The following ECPAS variants were observed in gnomAD, a reference collection of about 807,000 sequenced individuals.
ECPAS encodes Ecm29 proteasome adaptor and scaffold.
ECPAS carries 70 observed loss-of-function variants against 255.1 expected under a neutral mutation model. That is an observed-to-expected ratio of 0.27 (90% CI 0.23 to 0.33). The LOEUF (loss-of-function observed/expected upper bound fraction) is 0.33, where lower values mean the gene tolerates loss of function less well. ECPAS is among the 10% of genes least tolerant of loss of function. ECPAS has a pLI of 1.00. For missense variants in ECPAS, 1,817 were observed against 2,206.4 expected (o/e 0.82, Z 3.54); for synonymous variants, 784 against 775.0 (o/e 1.01, Z -0.19).
At chr9:111,404,790 G>A (rs866072233) in intron 24 of ECPAS, among the ~76,000 whole-genome samples, 3 of 69,482 alleles carry the variant, frequency 4.3e-5, no homozygotes, top group Admixed American at 3.3e-4. Flanking sequence ...AGTCAAGAAA[G>A]CAATCCTGCT....
chr9:111,481,643 T>C (rs993265134), intron 1 of ECPAS, among the ~76,000 whole-genome samples: 2 of 152,218 alleles, frequency 1.3e-5, no homozygotes, highest in Non-Finnish European at 2.9e-5. Flanking sequence ...GGGGTATCTG[T>C]ACACCCATGT....
At chr9:111,432,716 C>T (rs2098231907) in intron 8 of ECPAS, among the ~76,000 whole-genome samples, 1 of 152,136 alleles carries the variant, frequency 6.6e-6, no homozygotes, top group Non-Finnish European at 1.5e-5. Flanking sequence ...TTTTCATTGA[C>T]TTCATTCATT....
rs1161790026 is a variant in ECPAS at position 111,407,403 on chromosome 9, G to GA, written c.2652+1167dup. On this transcript the variant is annotated intron_variant, in intron 24 of 49. Transcript: ENST00000684092. ...GGAGACAGAGCAAAACTCCATCTCA[G>GA]AAAAAAAAAAAAAAAAAAAAAAAAA... is the stretch of plus-strand genomic sequence containing the variant. 0.037 allele frequency among the ~76,000 whole-genome samples: 441 copies of GA among 12,072 alleles called. 90 individuals are homozygous for GA. In the Middle Eastern group the frequency reaches 0.42, roughly 11 times the overall value. 7.9% of individuals were successfully genotyped at this position (12,072 alleles called of 152,430 possible). A position where few individuals can be genotyped will look rare whatever the true frequency, so the allele number is the denominator to read the frequency against.
intron 1 of ECPAS, among the ~76,000 whole-genome samples, chr9:111,473,294 A>G (rs538559536): frequency 1.2e-3 from 178 of 152,340 alleles, no homozygotes; most frequent in African/African-American, 4.1e-3. Flanking sequence ...ATATATGTAT[A>G]TGTGTGTATA....
chr9:111,447,670 C>G (rs940918104), intron 3 of ECPAS, among the ~76,000 whole-genome samples: 2 of 152,016 alleles, frequency 1.3e-5, no homozygotes, highest in African/African-American at 4.8e-5. Flanking sequence ...TCCATTTCCC[C>G]TATTCCAAAA....
At chr9:111,398,165 T>C (rs919862933) in intron 24 of ECPAS, among the ~76,000 whole-genome samples, 4 of 152,234 alleles carry the variant, frequency 2.6e-5, no homozygotes, top group African/African-American at 4.8e-5. Flanking sequence ...ACAAACGCTC[T>C]AGTTGTGATG....
At chr9:111,413,296 C>T (rs1243197167) in intron 20 of ECPAS, among the ~76,000 whole-genome samples, 1 of 152,148 alleles carries the variant, frequency 6.6e-6, no homozygotes, top group African/African-American at 2.4e-5. Flanking sequence ...ATAGTACATT[C>T]ATACAATAAA....
chr9:111,407,331 G>A (rs571326305), intron 24 of ECPAS, among the ~76,000 whole-genome samples: 7 of 139,532 alleles, frequency 5.0e-5, no homozygotes, highest in Non-Finnish European at 9.0e-5. Flanking sequence ...GAACCCGGGA[G>A]GTGGAGGTTG....
At chr9:111,459,379 T>A (rs533838385) in intron 2 of ECPAS, among the ~76,000 whole-genome samples, 4 of 152,190 alleles carry the variant, frequency 2.6e-5, no homozygotes, top group African/African-American at 9.6e-5. Flanking sequence ...GTATGAGCCA[T>A]CATATTTGGC....
chr9:111,393,820 G>T (rs1244876173), intron 26 of ECPAS, 86 bp from the exon 27 acceptor site: 2 of 1,007,128 alleles, frequency 2.0e-6, no homozygotes, highest in Non-Finnish European at 3.0e-6. Context: ...TACAAAATTT[G>T]TAGTCTTATT....
In ECPAS at chr9:111,404,129, T is replaced by C. The variant is rs1017494782; in HGVS notation, c.2652+4442A>G. 2.7e-5 allele frequency among the ~76,000 whole-genome samples: 4 copies of C among 149,736 alleles called. 1 individual carries two copies. Among genetic ancestry groups the C allele is most frequent in the African/African-American group, 1.0e-4 (4 of 39,452 alleles). ...GCAAAAGCAGTGCTAAGTGGGAATTTTATAGTAATAAAAGTACAAAGTACA... is the reference window on the plus strand; with the variant it reads ...GCAAAAGCAGTGCTAAGTGGGAATTCTATAGTAATAAAAGTACAAAGTACA... On this transcript the variant is annotated intron_variant, in intron 24 of 49. Transcript: ENST00000684092.
chr9:111,434,015 C>T (rs1200967981), intron 7 of ECPAS, among the ~76,000 whole-genome samples: 1 of 152,124 alleles, frequency 6.6e-6, no homozygotes, highest in African/African-American at 2.4e-5. Flanking sequence ...TGTGAAGATG[C>T]TATGAATTTC....
At chr9:111,459,684 T>C (rs541315460) in intron 2 of ECPAS, among the ~76,000 whole-genome samples, 57 of 152,240 alleles carry the variant, frequency 3.7e-4, no homozygotes, top group Admixed American at 2.9e-3. Context: ...AAAGTCATAA[T>C]TACATGATTT....
At chr9:111,470,787 CA>C (rs2098286864) in intron 2 of ECPAS, among the ~76,000 whole-genome samples, 1 of 150,104 alleles carries the variant, frequency 6.7e-6, no homozygotes. Flanking sequence ...CACACACACA[CA>C]GAGGAAGGGG....
At chr9:111,421,045 A>C (rs1386375983) in intron 15 of ECPAS, among the ~76,000 whole-genome samples, 1 of 152,160 alleles carries the variant, frequency 6.6e-6, no homozygotes, top group East Asian at 1.9e-4. Context: ...AGAAAGTTTA[A>C]AGTATTCTGT....
At chr9:111,386,130 A>C (rs1259704161) in intron 32 of ECPAS, among the ~76,000 whole-genome samples, 2 of 151,938 alleles carry the variant, frequency 1.3e-5, no homozygotes, top group African/African-American at 2.4e-5. Context: ...GGCCCAGCTG[A>C]TTTTTGTATT....
chr9:111,446,627 T>A (rs1376220511), intron 3 of ECPAS, among the ~76,000 whole-genome samples: 2 of 152,192 alleles, frequency 1.3e-5, no homozygotes, highest in Non-Finnish European at 2.9e-5. Flanking sequence ...AAATAGCTAA[T>A]ATTTATCACA....
intron 3 of ECPAS, among the ~76,000 whole-genome samples, chr9:111,447,865 A>C (rs1316038679): frequency 6.6e-6 from 1 of 152,206 alleles, no homozygotes; most frequent in Non-Finnish European, 1.5e-5. Flanking sequence ...GAAAATCTAA[A>C]GCATCCCTTT....
rs1384313018 is a variant in ECPAS at position 111,451,416 on chromosome 9, C to A, written c.153+9G>T. On this transcript the variant is annotated intron_variant, in intron 3 of 49. Transcript: ENST00000684092. ...CATTTAATTCCCCCAGCTGTCCCAA[C>A]ATGCTTACCTTTTTACGTACTCCTT... is the stretch of plus-strand genomic sequence containing the variant. 1.9e-6 allele frequency: 3 copies of A among 1,564,886 alleles called. No individual in the cohort carries two copies. Among genetic ancestry groups the A allele is most frequent in the East Asian group, 4.7e-5 (2 of 42,826 alleles).
Sources: gnomAD v4.1 joint callset for allele counts (sites outside exome capture counted in the v4.1 genomes callset) on GRCh38, gnomAD v4.1.1 for gene constraint, MANE v1.5 for transcripts, NCBI Gene and HGNC (gene_info 2026-07-23, HGNC 2026-07-21) for gene names.